The following GRID2 variants were observed in gnomAD, a reference collection of about 807,000 sequenced individuals.
The protein encoded by GRID2 is glutamate ionotropic receptor delta type subunit 2.
GRID2 carries 33 observed loss-of-function variants against 114.8 expected under a neutral mutation model. The observed-to-expected ratio is 0.29, with a 90% CI of 0.22 to 0.38. The LOEUF (loss-of-function observed/expected upper bound fraction) is 0.38, where lower values mean the gene tolerates loss of function less well. GRID2 is among the 10% of genes least tolerant of loss of function. The pLI, the probability that GRID2 is intolerant of heterozygous loss-of-function variation, is 1.00. For synonymous variants in GRID2, 505 were observed against 449.9 expected, an observed-to-expected ratio of 1.12 and a Z score of -1.55; for missense variants, 1,184 against 1,257.7, an observed-to-expected ratio of 0.94 and a Z score of 0.89.
intron 13 of GRID2, among the ~76,000 whole-genome samples, chr4:93,599,209 G>A (rs1003757293): frequency 2.6e-5 from 4 of 152,292 alleles, no homozygotes; most frequent in Non-Finnish European, 4.4e-5. Flanking sequence ...ATCACCTGCA[G>A]CACTCTGTTT....
chr4:93,515,439 T>C lies in GRID2; in HGVS notation c.2193+28T>C, dbSNP rs774617329. The C allele has an allele frequency of 2.9e-6, 4 of 1,399,790 alleles. No individual in the cohort carries two copies. In the South Asian group the frequency reaches 3.7e-5, roughly 13 times the overall value. 86.7% of individuals were successfully genotyped at this position (1,399,790 alleles called of 1,614,324 possible). On this transcript the variant is annotated intron_variant, in intron 13 of 15. Coordinates refer to ENST00000282020, the MANE Select transcript of GRID2 (RefSeq NM_001510.4). ...ACTGTCCATGGTTCTCCTTTAATAG[T>C]CCTTACCATTTTGTGTCCCATGCTG...
chr4:93,514,393 A>G (rs1305038328), intron 12 of GRID2, among the ~76,000 whole-genome samples: 4 of 149,708 alleles, frequency 2.7e-5, no homozygotes, highest in African/African-American at 9.9e-5. Flanking sequence ...TTCTCATCCA[A>G]ATAGAAATCG....
chr4:93,760,841 G>T (rs1041302371), intron 14 of GRID2, among the ~76,000 whole-genome samples: 1 of 151,876 alleles, frequency 6.6e-6, no homozygotes, highest in African/African-American at 2.4e-5. Context: ...CTTTTTTTAG[G>T]AGTGTAATAT....
At chr4:92,918,170 A>G (rs1748976406) in intron 2 of GRID2, among the ~76,000 whole-genome samples, 1 of 152,142 alleles carries the variant, frequency 6.6e-6, no homozygotes. Flanking sequence ...ATTGGTGTAT[A>G]AGAATGATTG....
chr4:93,726,593 G>A (rs1464863168), intron 14 of GRID2, among the ~76,000 whole-genome samples: 24 of 152,192 alleles, frequency 1.6e-4, no homozygotes, highest in African/African-American at 5.5e-4. Context: ...CCATTTTCAC[G>A]ATATTGATTC....
intron 2 of GRID2, among the ~76,000 whole-genome samples, chr4:92,667,827 A>G (rs1732864131): frequency 6.6e-6 from 1 of 151,786 alleles, no homozygotes; most frequent in Non-Finnish European, 1.5e-5. Context: ...TGTTCAAATT[A>G]AATAAGTTGT....
intron 1 of GRID2, among the ~76,000 whole-genome samples, chr4:92,336,445 C>T (rs558635697): frequency 6.6e-5 from 10 of 152,074 alleles, no homozygotes; most frequent in Non-Finnish European, 1.2e-4. Flanking sequence ...TTGATCTTAG[C>T]CAAAAGGTTA....
intron 7 of GRID2, among the ~76,000 whole-genome samples, chr4:93,226,484 A>G (rs1222199472): frequency 2.6e-5 from 4 of 152,208 alleles, no homozygotes; most frequent in Non-Finnish European, 1.5e-5. Flanking sequence ...CCGAGAAACA[A>G]TATCCTTTTA....
intron 2 of GRID2, among the ~76,000 whole-genome samples, chr4:93,038,619 T>C (rs1725163821): frequency 6.6e-6 from 1 of 151,904 alleles, no homozygotes; most frequent in Non-Finnish European, 1.5e-5. Context: ...TGAAACCCTG[T>C]CTCTACTAAA....
intron 2 of GRID2, among the ~76,000 whole-genome samples, chr4:93,064,732 G>C (rs1382273522): frequency 1.3e-5 from 2 of 151,824 alleles, no homozygotes; most frequent in Non-Finnish European, 2.9e-5. Flanking sequence ...AATGAAATTG[G>C]CCTTATTTTC....
chr4:93,239,151 T>C (rs1747164322), intron 8 of GRID2, among the ~76,000 whole-genome samples: 1 of 126,008 alleles, frequency 7.9e-6, no homozygotes, highest in Non-Finnish European at 1.7e-5. Context: ...ATATATATAT[T>C]TATAGCATTT....
At chr4:93,367,268 C>A (rs1025621715) in intron 8 of GRID2, among the ~76,000 whole-genome samples, 1 of 146,016 alleles carries the variant, frequency 6.8e-6, no homozygotes, top group African/African-American at 2.5e-5. Flanking sequence ...TGTATCAGAG[C>A]CAGCTAGTTT....
At chr4:92,487,579 T>TTA (rs1722955098) in intron 1 of GRID2, among the ~76,000 whole-genome samples, 4 of 152,204 alleles carry the variant, frequency 2.6e-5, no homozygotes, top group Admixed American at 2.6e-4. Context: ...AACTACATTG[T>TTA]CTTTGTCTTG....
At chr4:93,693,822 A>T in intron 14 of GRID2, among the ~76,000 whole-genome samples, 1 of 152,296 alleles carries the variant, frequency 6.6e-6, no homozygotes, top group Non-Finnish European at 1.5e-5. Context: ...AATATATATT[A>T]TGGAAATAAT....
At chr4:92,314,712 A>G (rs576242316) in intron 1 of GRID2, among the ~76,000 whole-genome samples, 1 of 152,286 alleles carries the variant, frequency 6.6e-6, no homozygotes, top group African/African-American at 2.4e-5. Flanking sequence ...TATGAAGCAT[A>G]AATGAACTTA....
At chr4:93,573,477 T>C (rs1736125618) in intron 13 of GRID2, among the ~76,000 whole-genome samples, 1 of 152,162 alleles carries the variant, frequency 6.6e-6, no homozygotes, top group African/African-American at 2.4e-5. Context: ...TTCAATAATT[T>C]GGACAGCTGC....
intron 2 of GRID2, among the ~76,000 whole-genome samples, chr4:92,666,650 G>GTTGTTTTT (rs1732792716): frequency 3.1e-4 from 21 of 68,602 alleles, no homozygotes; most frequent in African/African-American, 1.0e-3. Flanking sequence ...CTTAAGGGTT[G>GTTGTTTTT]TTTTTTTTTT....
chr4:92,556,369 G>A lies in GRID2; in HGVS notation c.89-33762G>A, dbSNP rs1427945758. ...ATATAAACTATAAATAAATACATTT[G>A]CCTTTCAAATTTTTAGAACATTATC... On this transcript the variant is annotated intron_variant, in intron 1 of 15. Transcript: ENST00000282020. Among the ~76,000 whole-genome samples the A allele has an allele frequency of 5.3e-5, 8 of 152,040 alleles. No homozygotes were observed. In the South Asian group the frequency reaches 8.3e-4, roughly 16 times the overall value.
At chr4:92,670,228 T>C (rs917188051) in intron 2 of GRID2, among the ~76,000 whole-genome samples, 4 of 152,074 alleles carry the variant, frequency 2.6e-5, no homozygotes, top group Non-Finnish European at 5.9e-5. Flanking sequence ...TAGAATATTA[T>C]TTGAAACACA....
Sources: gnomAD v4.1 joint callset for allele counts (sites outside exome capture counted in the v4.1 genomes callset) on GRCh38, gnomAD v4.1.1 for gene constraint, MANE v1.5 for transcripts, NCBI Gene and HGNC (gene_info 2026-07-23, HGNC 2026-07-21) for gene names.